The following SMCO4 variants were observed in gnomAD, a reference collection of about 807,000 sequenced individuals.
The protein encoded by SMCO4 is single-pass membrane and coiled-coil domain-containing protein 4.
A neutral mutation model predicts 3.6 loss-of-function variants in SMCO4; 4 were observed. That is an observed-to-expected ratio of 1.11 (90% CI 0.54 to 2.53). SMCO4 has a LOEUF of 2.53. Among genes scored for constraint, SMCO4 ranks in the 30% most tolerant of loss-of-function variants. SMCO4 has a pLI of 0.02. For synonymous variants in SMCO4, 36 were observed against 35.3 expected, an observed-to-expected ratio of 1.02 and a Z score of -0.07; for missense variants, 70 against 80.8, an observed-to-expected ratio of 0.87 and a Z score of 0.51.
chr11:93,541,756 T>C (rs1949273101), intron 1 of SMCO4, among the ~76,000 whole-genome samples: 1 of 152,224 alleles, frequency 6.6e-6, no homozygotes. Flanking sequence ...TGTTTTGCTT[T>C]TTGCAATATT....
At chr11:93,525,217 T>C (rs1455006587) in intron 1 of SMCO4, among the ~76,000 whole-genome samples, 1 of 152,184 alleles carries the variant, frequency 6.6e-6, no homozygotes, top group Non-Finnish European at 1.5e-5. Flanking sequence ...GATCTTACGT[T>C]TGAATCTCAA....
intron 1 of SMCO4, among the ~76,000 whole-genome samples, chr11:93,505,617 C>T (rs532735597): frequency 6.6e-6 from 1 of 152,230 alleles, no homozygotes; most frequent in East Asian, 1.9e-4. Context: ...TTTGGAAATG[C>T]TACATTCTAT....
chr11:93,523,747 G>A (rs923332573), intron 1 of SMCO4, among the ~76,000 whole-genome samples: 1 of 152,182 alleles, frequency 6.6e-6, no homozygotes, highest in African/African-American at 2.4e-5. Context: ...TAAAAGTGCT[G>A]ACACGTCCAA....
In SMCO4 at chr11:93,498,917, A is replaced by T. The variant is rs546872383; in HGVS notation, c.-81+359T>A. ...TACTGGGGAAAACACAAAAACAGGC[A>T]ACGAGAATAAAGCGTGGAAGTAAGT... On this transcript the variant is annotated intron_variant, in intron 2 of 2. Transcript: ENST00000298966. Among the ~76,000 whole-genome samples the T allele has an allele frequency of 6.6e-5, 10 of 152,316 alleles. No individual in the cohort carries two copies. The East Asian group carries it at 1.4e-3, about 21-fold the overall frequency.
intron 1 of SMCO4, among the ~76,000 whole-genome samples, chr11:93,508,180 A>G (rs1187964225): frequency 6.6e-6 from 1 of 152,246 alleles, no homozygotes; most frequent in Non-Finnish European, 1.5e-5. Context: ...CCTGAAACCA[A>G]TTGTGGAGAA....
At chr11:93,542,784 C>T (rs1217898994) in intron 1 of SMCO4, among the ~76,000 whole-genome samples, 1 of 152,134 alleles carries the variant, frequency 6.6e-6, no homozygotes, top group Non-Finnish European at 1.5e-5. Context: ...CCGCAAGGTC[C>T]GCCGCCGGAC....
rs578085133 is a variant in SMCO4 at position 93,531,075 on chromosome 11, T to A, written c.-154+12201A>T. Among the ~76,000 whole-genome samples the A allele has an allele frequency of 2.0e-5, 3 of 152,340 alleles. No homozygotes were observed. The South Asian group carries it at 6.2e-4, about 32-fold the overall frequency. ...GCCCAGACTTTTGGCCAAAGATTATTCCTTGTATGTCTGTGAGGATGTTTT... is the reference window on the plus strand; with the variant it reads ...GCCCAGACTTTTGGCCAAAGATTATACCTTGTATGTCTGTGAGGATGTTTT... On this transcript the variant is annotated intron_variant, in intron 1 of 2. Transcript: ENST00000298966.
At chr11:93,488,503 C>A (rs1400866738) in intron 2 of SMCO4, among the ~76,000 whole-genome samples, 1 of 152,082 alleles carries the variant, frequency 6.6e-6, no homozygotes, top group African/African-American at 2.4e-5. Flanking sequence ...ATACCGAGTA[C>A]ACTTTGAAGG....
intron 1 of SMCO4, among the ~76,000 whole-genome samples, chr11:93,530,329 GCT>G (rs1350974896): frequency 1.3e-5 from 2 of 152,108 alleles, no homozygotes; most frequent in Non-Finnish European, 2.9e-5. Context: ...TTGTCTGTTT[GCT>G]CTCTCTTCTT....
chr11:93,486,564 C>T (rs1418676712), intron 2 of SMCO4, among the ~76,000 whole-genome samples: 1 of 152,216 alleles, frequency 6.6e-6, no homozygotes, highest in Admixed American at 6.5e-5. Context: ...TTAAAAGATG[C>T]ACCACATCCC....
chr11:93,513,816 C>G (rs1462651642), intron 1 of SMCO4, among the ~76,000 whole-genome samples: 1 of 152,200 alleles, frequency 6.6e-6, no homozygotes, highest in Non-Finnish European at 1.5e-5. Context: ...TCCCAGACTG[C>G]TCCGTGAGGG....
the SMCO4 span, among the ~76,000 whole-genome samples, chr11:93,552,858 T>C: frequency 2.0e-5 from 3 of 152,280 alleles, no homozygotes; most frequent in East Asian, 3.9e-4. Flanking sequence ...TAATAGTGCC[T>C]CAAATTCCTT....
rs1158899322 is a variant in SMCO4, at chr11:93,499,311, A to C, written c.-116T>G. 6.6e-6 allele frequency: 1 copy of C among 152,248 alleles called. No individual in the cohort carries two copies. The highest frequency in any genetic ancestry group is 1.5e-5 in the Non-Finnish European group (1 of 68,046). 9.4% of individuals were successfully genotyped at this position (152,248 alleles called of 1,614,324 possible). A position where few individuals can be genotyped will look rare whatever the true frequency, so the allele number is the denominator to read the frequency against. Reference sequence around the variant, plus strand: ...ACTTCAAGAATCGTTGATTAATTTCAGCAAACTGATTTCCAGTACAGGTGA... The same window carrying C: ...ACTTCAAGAATCGTTGATTAATTTCCGCAAACTGATTTCCAGTACAGGTGA... On this transcript the variant is annotated 5_prime_UTR_variant, in exon 2 of 3. Coordinates refer to ENST00000298966, the MANE Select transcript of SMCO4 (RefSeq NM_020179.3).
At chr11:93,544,202 T>TAA (rs1426563885), upstream of SMCO4, among the ~76,000 whole-genome samples, 3 of 152,252 alleles carry the variant, frequency 2.0e-5, no homozygotes, top group Non-Finnish European at 4.4e-5. Context: ...TGGTGCACTA[T>TAA]AAAGTTCTTT....
intron 2 of SMCO4, among the ~76,000 whole-genome samples, chr11:93,497,729 A>G (rs1445281836): frequency 1.3e-5 from 2 of 152,340 alleles, no homozygotes; most frequent in Non-Finnish European, 2.9e-5. Context: ...CTTATTTCCC[A>G]ACTTTGAAAA....
chr11:93,484,992 C>T (rs947319632), intron 2 of SMCO4, among the ~76,000 whole-genome samples: 1 of 152,078 alleles, frequency 6.6e-6, no homozygotes, highest in Non-Finnish European at 1.5e-5. Flanking sequence ...ATTTTGAAGG[C>T]TTAGTACCAA....
At chr11:93,550,685 A>G in the SMCO4 span, among the ~76,000 whole-genome samples, 1 of 151,848 alleles carries the variant, frequency 6.6e-6, no homozygotes, top group African/African-American at 2.4e-5. Context: ...TTTTATTTTT[A>G]TTTTTATTTT....
At chr11:93,529,696 T>A (rs1949144971) in intron 1 of SMCO4, among the ~76,000 whole-genome samples, 1 of 152,094 alleles carries the variant, frequency 6.6e-6, no homozygotes, top group South Asian at 2.1e-4. Flanking sequence ...TCCCTTTAAC[T>A]CCAAGGCCAA....
chr11:93,547,598 A>G (rs141989192), upstream of SMCO4, among the ~76,000 whole-genome samples: 10 of 152,322 alleles, frequency 6.6e-5, no homozygotes, highest in East Asian at 1.3e-3. Flanking sequence ...CTTGCCCACT[A>G]CTATACCTTC....
Sources: allele counts gnomAD v4.1 joint callset (sites outside exome capture counted in the v4.1 genomes callset), GRCh38; gene constraint gnomAD v4.1.1; transcripts MANE v1.5; gene names NCBI Gene and HGNC (gene_info 2026-07-23, HGNC 2026-07-21).